The following ATF2 variants were observed in gnomAD, a reference collection of about 807,000 sequenced individuals.
The protein encoded by ATF2 is activating transcription factor 2, also known as cyclic AMP-dependent transcription factor ATF-2.
A neutral mutation model predicts 60.6 loss-of-function variants in ATF2; 24 were observed. The ratio of observed to expected loss-of-function variants is 0.40; its 90% CI spans 0.29 to 0.56. The LOEUF is 0.56. Among genes scored for constraint, ATF2 ranks in the 20% least tolerant of loss-of-function variants. The probability of loss-of-function intolerance (pLI) is 0.54; values close to 1 mark genes in which losing one functional copy is unlikely to be tolerated. For missense variants in ATF2, 433 were observed against 607.7 expected, an observed-to-expected ratio of 0.71 and a Z score of 3.02; for synonymous variants, 206 against 215.4, an observed-to-expected ratio of 0.96 and a Z score of 0.38.
intron 4 of ATF2, among the ~76,000 whole-genome samples, chr2:175,123,661 C>A (rs942257672): frequency 6.6e-6 from 1 of 151,942 alleles, no homozygotes; most frequent in African/African-American, 2.4e-5. Flanking sequence ...AGCAACCTAA[C>A]AAATATTTAG....
chr2:175,076,721 T>A (rs1574299219), intron 13 of ATF2, among the ~76,000 whole-genome samples: 2 of 151,960 alleles, frequency 1.3e-5, no homozygotes, highest in East Asian at 3.8e-4. Context: ...TAAAAAGCTC[T>A]ATTTGTTTTG....
At chr2:175,150,185 A>G (rs1354530535) in intron 2 of ATF2, among the ~76,000 whole-genome samples, 1 of 152,194 alleles carries the variant, frequency 6.6e-6, no homozygotes, top group Non-Finnish European at 1.5e-5. Flanking sequence ...CTTTTTAAAT[A>G]TATAAATGTA....
intron 10 of ATF2, among the ~76,000 whole-genome samples, chr2:175,108,474 C>G (rs1475493160): frequency 1.9e-4 from 28 of 148,268 alleles, no homozygotes; most frequent in African/African-American, 7.0e-4. Context: ...GGGGGTCAGC[C>G]CCCGCCCGGC....
At chr2:175,161,654 ATTCCAAGTGT>A (rs1201547961) in intron 1 of ATF2, among the ~76,000 whole-genome samples, 1 of 152,178 alleles carries the variant, frequency 6.6e-6, no homozygotes, top group Non-Finnish European at 1.5e-5. Flanking sequence ...CACTTTCTTT[ATTCCAAGTGT>A]TTCCTACATG....
At chr2:175,082,648 C>A (rs2105545360) in intron 12 of ATF2, among the ~76,000 whole-genome samples, 1 of 152,276 alleles carries the variant, frequency 6.6e-6, no homozygotes. Context: ...ACTCTCACTG[C>A]TCTTCCAACA....
intron 4 of ATF2, among the ~76,000 whole-genome samples, chr2:175,122,348 A>G (rs943536962): frequency 3.9e-5 from 6 of 152,024 alleles, no homozygotes; most frequent in African/African-American, 9.7e-5. Flanking sequence ...AGCAACATTT[A>G]TAACTGAAAA....
intron 4 of ATF2, among the ~76,000 whole-genome samples, chr2:175,123,984 A>G (rs1697145294): frequency 6.6e-6 from 1 of 152,100 alleles, no homozygotes; most frequent in African/African-American, 2.4e-5. Context: ...GGCAGTCACC[A>G]GAAGTTTAAT....
intron 4 of ATF2, among the ~76,000 whole-genome samples, chr2:175,123,634 G>A (rs1697119371): frequency 6.6e-6 from 1 of 151,994 alleles, no homozygotes; most frequent in African/African-American, 2.4e-5. Context: ...AATCCTAAGT[G>A]TAAAGAAGTG....
intron 12 of ATF2, among the ~76,000 whole-genome samples, chr2:175,089,727 A>C (rs1025964765): frequency 6.6e-6 from 1 of 152,156 alleles, no homozygotes; most frequent in African/African-American, 2.4e-5. Context: ...AAATAAGTAG[A>C]AAACAACAAA....
intron 3 of ATF2, among the ~76,000 whole-genome samples, chr2:175,136,040 A>C (rs1574455359): frequency 7.5e-6 from 1 of 133,234 alleles, no homozygotes; most frequent in Non-Finnish European, 1.6e-5. Context: ...TTTTGGCAGG[A>C]CTCTTCACAG....
chr2:175,108,285 G>A (rs182366838), intron 10 of ATF2, among the ~76,000 whole-genome samples: 3,102 of 151,984 alleles, frequency 0.02, 47 homozygotes, highest in Non-Finnish European at 0.028. Context: ...AGCCAGGAGC[G>A]TCTCCGTCCG....
chr2:175,093,068 T>A lies in ATF2; in HGVS notation c.1178A>T (p.Gln393Leu), dbSNP rs1694670763. The A allele has an allele frequency of 6.2e-7, 1 of 1,613,992 alleles. No individual in the cohort carries two copies. The highest frequency in any genetic ancestry group is 1.3e-5 in the African/African-American group (1 of 74,920). The stretch of plus-strand genomic sequence containing the variant: ...CACATATATGCACCATACCTGCAGC[T>A]GACCATTTAATGAACTCAAGTCTTC... ...KAEDLSSLNGQLQSEVTLLRN... is the reference protein window; with the variant it reads ...KAEDLSSLNGLLQSEVTLLRN... The change falls in exon 12 of 14, where the codon CAG becomes CTG. Residue 393 changes from glutamine to leucine, a missense_variant. By Grantham distance (113) the Gln-to-Leu change is moderately radical (BLOSUM62 -2). Transcript: ENST00000264110.
At chr2:175,089,865 TA>T (rs1694424216) in intron 12 of ATF2, among the ~76,000 whole-genome samples, 2 of 152,218 alleles carry the variant, frequency 1.3e-5, no homozygotes, top group Non-Finnish European at 2.9e-5. Context: ...ATGTCATTTC[TA>T]AAATGCTACC....
intron 2 of ATF2, among the ~76,000 whole-genome samples, chr2:175,145,954 C>T (rs1394989518): frequency 1.3e-5 from 2 of 151,550 alleles, no homozygotes; most frequent in African/African-American, 2.4e-5. Context: ...ATTATATCTC[C>T]CTATACAGCT....
chr2:175,081,068 TTTATA>T (rs1693725145), intron 12 of ATF2, among the ~76,000 whole-genome samples: 1 of 152,152 alleles, frequency 6.6e-6, no homozygotes, highest in South Asian at 2.1e-4. Flanking sequence ...GTATTTTTAT[TTTATA>T]TATGTTGCAT....
intron 1 of ATF2, among the ~76,000 whole-genome samples, chr2:175,163,954 T>C (rs1487156724): frequency 2.1e-5 from 2 of 93,756 alleles, no homozygotes; most frequent in Non-Finnish European, 4.7e-5. Context: ...ATGAATACAC[T>C]AGTTTCAAGG....
intron 5 of ATF2, among the ~76,000 whole-genome samples, chr2:175,118,800 G>A (rs1025316982): frequency 2.0e-5 from 3 of 151,480 alleles, no homozygotes; most frequent in African/African-American, 7.3e-5. Flanking sequence ...TCCACTAGCT[G>A]TTCATACTCT....
At chr2:175,113,911 T>A (rs1696373815) in intron 9 of ATF2, 83 bp downstream of exon 9, 1 of 1,151,002 alleles carries the variant, frequency 8.7e-7, no homozygotes, top group Admixed American at 2.1e-5. Flanking sequence ...TTCAATTTCA[T>A]AAGCCAGTCA....
chr2:175,160,899 G>A (rs1699986859), intron 1 of ATF2, among the ~76,000 whole-genome samples: 1 of 152,046 alleles, frequency 6.6e-6, no homozygotes, highest in South Asian at 2.1e-4. Flanking sequence ...CTAGCTGAGT[G>A]TGGTGGCATG....
Sources: allele counts gnomAD v4.1 joint callset (sites outside exome capture counted in the v4.1 genomes callset), GRCh38; gene constraint gnomAD v4.1.1; transcripts MANE v1.5; gene names NCBI Gene and HGNC (gene_info 2026-07-23, HGNC 2026-07-21).